ZFHX3: variants seen among roughly 807,000 people sequenced by gnomAD.
ZFHX3 encodes the protein zinc finger homeobox protein 3.
ZFHX3 carries 42 observed loss-of-function variants against 279.1 expected under a neutral mutation model. The observed-to-expected ratio is 0.15, with a 90% CI of 0.12 to 0.19. ZFHX3 has a LOEUF of 0.19. Among genes scored for constraint, ZFHX3 ranks in the 10% least tolerant of loss-of-function variants. The probability of loss-of-function intolerance (pLI) is 1.00; values close to 1 mark genes in which losing one functional copy is unlikely to be tolerated. For synonymous variants in ZFHX3, 2,293 were observed against 1,957.8 expected (o/e 1.17, Z -4.52); for missense variants, 4,981 against 4,754.0 (o/e 1.05, Z -1.40).
chr16:73,320,016 C>T (rs977938840), intron 3 of ZFHX3, among the ~76,000 whole-genome samples: 19 of 152,146 alleles, frequency 1.2e-4, no homozygotes, highest in Middle Eastern at 3.4e-3. Flanking sequence ...GTCTTTATCT[C>T]CAGAGAGAGC....
intron 2 of ZFHX3, among the ~76,000 whole-genome samples, chr16:73,662,951 A>G (rs1261294715): frequency 6.6e-6 from 1 of 152,202 alleles, no homozygotes; most frequent in Non-Finnish European, 1.5e-5. Context: ...TAAAGCAGTG[A>G]GAGATTTGTA....
intron 2 of ZFHX3, among the ~76,000 whole-genome samples, chr16:73,457,491 G>A (rs1205767049): frequency 6.6e-6 from 1 of 152,166 alleles, no homozygotes; most frequent in African/African-American, 2.4e-5. Flanking sequence ...CGAGGGAGTC[G>A]GCCGGGCACG....
At chr16:73,223,315 G>A (rs72797326) in intron 5 of ZFHX3, among the ~76,000 whole-genome samples, 233 of 152,178 alleles carry the variant, frequency 1.5e-3, no homozygotes, top group Non-Finnish European at 2.4e-3. Flanking sequence ...ATTTGCAAAC[G>A]AAATATCTGA....
chr16:73,158,864 C>T (rs1487764818), intron 5 of ZFHX3, among the ~76,000 whole-genome samples: 3 of 152,190 alleles, frequency 2.0e-5, no homozygotes, highest in Non-Finnish European at 4.4e-5. Context: ...GCTGGGATAA[C>T]TGACTAGCCA....
At chr16:73,555,143 A>G (rs946649363) in intron 2 of ZFHX3, among the ~76,000 whole-genome samples, 6 of 152,066 alleles carry the variant, frequency 3.9e-5, no homozygotes, top group African/African-American at 1.2e-4. Context: ...CTTCTAGAAC[A>G]TTGAAGGCAG....
Position 72,959,040 on chromosome 16 carries a change from C to T in ZFHX3, c.1106G>A (p.Ser369Asn). The T allele has an allele frequency of 6.2e-7, 1 of 1,613,804 alleles. No homozygotes were observed. The highest frequency in any genetic ancestry group is 8.5e-7 in the Non-Finnish European group (1 of 1,179,914). The change falls in exon 2 of 10, where the codon AGT becomes AAT. Residue 369 changes from serine to asparagine, a missense_variant. Coordinates refer to ENST00000268489, the MANE Select transcript of ZFHX3 (RefSeq NM_006885.4). The stretch of plus-strand genomic sequence containing the variant: ...TTCCTCCCCTTCCATTCGAATGCCA[C>T]TAAATTTACCATAAAAACTGTGTCC... ...GPGHSFYGKFSGIRMEGEEAL... is the reference protein window; with the variant it reads ...GPGHSFYGKFNGIRMEGEEAL...
chr16:73,596,352 T>A (rs2052050169), intron 2 of ZFHX3, among the ~76,000 whole-genome samples: 1 of 152,124 alleles, frequency 6.6e-6, no homozygotes, highest in South Asian at 2.1e-4. Context: ...CTCTTTTGCA[T>A]AAGACTCCAC....
chr16:72,928,911 A>G (rs1017829503), intron 3 of ZFHX3, among the ~76,000 whole-genome samples: 3 of 151,864 alleles, frequency 2.0e-5, no homozygotes, highest in African/African-American at 7.3e-5. Flanking sequence ...GCAGTGAGCT[A>G]AAATTGCACC....
chr16:73,802,090 T>C (rs961434079), intron 1 of ZFHX3, among the ~76,000 whole-genome samples: 2 of 152,210 alleles, frequency 1.3e-5, no homozygotes, highest in African/African-American at 4.8e-5. Flanking sequence ...ACCGCAGTGA[T>C]GTACCAAAGT....
intron 2 of ZFHX3, among the ~76,000 whole-genome samples, chr16:73,525,972 C>T (rs766139690): frequency 2.0e-5 from 3 of 152,114 alleles, no homozygotes; most frequent in Non-Finnish European, 4.4e-5. Flanking sequence ...AAGCTTTTAA[C>T]TTTGTACAAT....
chr16:72,977,209 G>C (rs1473692443), intron 1 of ZFHX3, among the ~76,000 whole-genome samples: 3 of 152,064 alleles, frequency 2.0e-5, no homozygotes, highest in Admixed American at 2.0e-4. Context: ...TGGTTTCTTT[G>C]GCCTTGGTTC....
At chr16:73,349,193 T>C (rs931239249) in intron 3 of ZFHX3, among the ~76,000 whole-genome samples, 6 of 152,238 alleles carry the variant, frequency 3.9e-5, no homozygotes, top group Non-Finnish European at 7.4e-5. Context: ...GTATCAAACA[T>C]CTTAAAATCT....
At chr16:73,774,875 C>T (rs1250833813) in intron 1 of ZFHX3, among the ~76,000 whole-genome samples, 2 of 152,102 alleles carry the variant, frequency 1.3e-5, no homozygotes, top group African/African-American at 4.8e-5. Context: ...ATGAATTGCT[C>T]CTAATCACAT....
chr16:73,434,211 A>G (rs1567482977), intron 3 of ZFHX3, among the ~76,000 whole-genome samples: 4 of 152,158 alleles, frequency 2.6e-5, no homozygotes, highest in Admixed American at 2.6e-4. Flanking sequence ...TCTTATCATA[A>G]TATTGAAAAT....
chr16:72,974,568 A>AACACACACACACACACACACACACACAC lies in ZFHX3; in HGVS notation c.-49-14402_-49-14375dup, dbSNP rs59350988. ...CCCTTTGGAGGCTCACTGATAGGGC[A>AACACACACACACACACACACACACACAC]ACACACACACACACACACACACACA... On this transcript the variant is annotated intron_variant, in intron 1 of 9. Transcript: ENST00000268489. 8.8e-5 allele frequency among the ~76,000 whole-genome samples: 13 copies of AACACACACACACACACACACACACACAC among 148,368 alleles called. No homozygotes were observed. In the Middle Eastern group the frequency reaches 0.01, roughly 118 times the overall value.
chr16:72,937,569 CGGCCTTG>C (rs1053658668), intron 3 of ZFHX3, among the ~76,000 whole-genome samples: 11 of 152,190 alleles, frequency 7.2e-5, no homozygotes, highest in African/African-American at 2.2e-4. Flanking sequence ...CTGGGCAATG[CGGCCTTG>C]GGCCTTGGGT....
chr16:73,557,438 AAAGG>A (rs2020304280), intron 2 of ZFHX3, among the ~76,000 whole-genome samples: 1 of 152,186 alleles, frequency 6.6e-6, no homozygotes, highest in Non-Finnish European at 1.5e-5. Context: ...TTAAGAAAGT[AAAGG>A]AATGAAAGAA....
At chr16:72,900,331 G>C in intron 3 of ZFHX3, among the ~76,000 whole-genome samples, 1 of 152,088 alleles carries the variant, frequency 6.6e-6, no homozygotes, top group South Asian at 2.1e-4. Flanking sequence ...TCAAGAATTT[G>C]CTTATTTGTA....
intron 5 of ZFHX3, among the ~76,000 whole-genome samples, chr16:73,203,057 T>G (rs891221676): frequency 1.3e-5 from 2 of 151,938 alleles, no homozygotes; most frequent in Admixed American, 6.6e-5. Flanking sequence ...TTCCCTGATC[T>G]CTCCTTTTAA....
Sources: gnomAD v4.1 joint callset for allele counts (sites outside exome capture counted in the v4.1 genomes callset) on GRCh38, gnomAD v4.1.1 for gene constraint, MANE v1.5 for transcripts, NCBI Gene and HGNC (gene_info 2026-07-23, HGNC 2026-07-21) for gene names.